Variants in MBD5 observed in about 807,000 individuals in gnomAD.
MBD5 encodes the protein methyl-CpG binding domain protein 5, also known as methyl-CpG-binding domain protein 5.
MBD5 carries 13 observed loss-of-function variants against 117.3 expected under a neutral mutation model. The ratio of observed to expected loss-of-function variants is 0.11; its 90% CI spans 0.07 to 0.18. The LOEUF is 0.18. Ranked by LOEUF, MBD5 falls within the 10% of genes least tolerant of loss-of-function variation. The pLI is 1.00. For missense variants in MBD5, 1,879 were observed against 2,093.8 expected, an observed-to-expected ratio of 0.90 and a Z score of 2.00; for synonymous variants, 727 against 766.4, an observed-to-expected ratio of 0.95 and a Z score of 0.85.
chr2:148,279,443 A>G (rs7605678), intron 3 of MBD5, among the ~76,000 whole-genome samples: 87,269 of 152,000 alleles, frequency 0.57, 25,439 homozygotes, highest in East Asian at 0.83. Context: ...AAAAATAAAA[A>G]TTAAGCAAAA....
intron 4 of MBD5, among the ~76,000 whole-genome samples, chr2:148,372,599 G>T (rs192937504): frequency 3.9e-5 from 6 of 152,120 alleles, no homozygotes; most frequent in Admixed American, 3.9e-4. Flanking sequence ...AAAGCATTAT[G>T]ATATGTTGTT....
At position 148,483,769 on chromosome 2, in the gene MBD5, A is replaced by G; in HGVS notation, c.3178A>G (p.Ser1060Gly). 1 of 1,550,558 alleles carries G rather than the reference A, an allele frequency of 6.4e-7. No homozygotes were observed. The change falls in exon 9 of 14, where the codon AGC becomes GGC. Residue 1060 changes from serine (S) to glycine (G), a missense_variant. Coordinates refer to ENST00000642680, the MANE Select transcript of MBD5 (RefSeq NM_001378120.1). ...LTSPLGNPLP[S>G]FAGSDTTFNP... The stretch of plus-strand genomic sequence containing the variant: ...CAGCCCCCTGGGGAACCCTTTACCA[A>G]GCTTTGCAGGCAGTGACACTACTTT...
intron 4 of MBD5, among the ~76,000 whole-genome samples, chr2:148,413,314 T>G (rs1045775816): frequency 6.6e-5 from 10 of 152,056 alleles, no homozygotes; most frequent in African/African-American, 2.2e-4. Flanking sequence ...GGATAAAACT[T>G]AATTTATCAT....
At chr2:148,374,891 T>A (rs1703952566) in intron 4 of MBD5, among the ~76,000 whole-genome samples, 1 of 152,242 alleles carries the variant, frequency 6.6e-6, no homozygotes, top group African/African-American at 2.4e-5. Context: ...TACTCCTATG[T>A]ATGCTTTTTT....
intron 4 of MBD5, among the ~76,000 whole-genome samples, chr2:148,445,977 GTTTGTT>G (rs1406149356): frequency 6.6e-6 from 1 of 150,936 alleles, no homozygotes; most frequent in African/African-American, 2.5e-5. Flanking sequence ...CGATGGGGTT[GTTTGTT>G]TTTTTTTCTT....
chr2:148,480,513 A>C (rs1042569108), intron 8 of MBD5, among the ~76,000 whole-genome samples: 12 of 152,138 alleles, frequency 7.9e-5, no homozygotes, highest in Non-Finnish European at 1.5e-4. Context: ...CTTGCCACAG[A>C]TAGTGCCACA....
At chr2:148,148,405 A>G (rs1047478321) in intron 1 of MBD5, among the ~76,000 whole-genome samples, 1 of 152,230 alleles carries the variant, frequency 6.6e-6, no homozygotes, top group African/African-American at 2.4e-5. Context: ...GCAAATTAAA[A>G]TGCCACAAGA....
chr2:148,244,655 A>C (rs1700295198), intron 3 of MBD5, among the ~76,000 whole-genome samples: 1 of 152,216 alleles, frequency 6.6e-6, no homozygotes, highest in African/African-American at 2.4e-5. Context: ...TTTGCCAAGC[A>C]TTGTAGTGGG....
chr2:148,070,008 C>T (rs2105070135), intron 1 of MBD5, among the ~76,000 whole-genome samples: 1 of 152,266 alleles, frequency 6.6e-6, no homozygotes, highest in East Asian at 1.9e-4. Context: ...ACTGTAGTCA[C>T]CCTGTTCGGC....
intron 1 of MBD5, among the ~76,000 whole-genome samples, chr2:148,150,867 T>A (rs376030128): frequency 2.0e-5 from 3 of 152,168 alleles, no homozygotes; most frequent in Non-Finnish European, 2.9e-5. Flanking sequence ...GTTCTAGATA[T>A]ACAATCATGT....
At position 148,429,783 on chromosome 2, in the gene MBD5, G is replaced by A. The variant is rs188610486; in HGVS notation, c.-556-28420G>A. Among the ~76,000 whole-genome samples, 451 of 152,252 alleles carry A rather than the reference G, an allele frequency of 3.0e-3. 3 individuals are homozygous for A. The highest frequency in any genetic ancestry group is 0.01 in the African/African-American group (431 of 41,554). ...ACACCATATGTTCTCACTCATAAGT[G>A]GGAGTTAAACAATGAAAACACATGG... On this transcript the variant is annotated intron_variant, in intron 4 of 13. Transcript: ENST00000642680.
chr2:148,155,364 C>T (rs1220578902), intron 1 of MBD5, among the ~76,000 whole-genome samples: 1 of 152,116 alleles, frequency 6.6e-6, no homozygotes, highest in African/African-American at 2.4e-5. Flanking sequence ...ATGAGGTAGC[C>T]ATTGTGCCTG....
intron 1 of MBD5, among the ~76,000 whole-genome samples, chr2:148,096,640 A>G (rs1406593217): frequency 1.3e-5 from 2 of 152,076 alleles, no homozygotes; most frequent in Non-Finnish European, 2.9e-5. Context: ...TATTATGGGG[A>G]AAAAAATAAG....
At chr2:148,047,254 AT>A (rs2105731073) in intron 1 of MBD5, among the ~76,000 whole-genome samples, 1 of 152,282 alleles carries the variant, frequency 6.6e-6, no homozygotes, top group South Asian at 2.1e-4. Flanking sequence ...AGTCACCAAG[AT>A]TATCAAGTTC....
intron 4 of MBD5, among the ~76,000 whole-genome samples, chr2:148,456,793 T>A (rs1362540455): frequency 6.6e-6 from 1 of 152,194 alleles, no homozygotes; most frequent in Non-Finnish European, 1.5e-5. Context: ...GCCACGTCCA[T>A]ACCCACAGTT....
chr2:148,313,991 T>C (rs1206885800), intron 3 of MBD5, among the ~76,000 whole-genome samples: 1 of 151,856 alleles, frequency 6.6e-6, no homozygotes, highest in East Asian at 1.9e-4. Context: ...CCAATCTCAA[T>C]GTGGTAAGTT....
At chr2:148,153,760 G>A (rs1382635974) in intron 1 of MBD5, among the ~76,000 whole-genome samples, 3 of 144,598 alleles carry the variant, frequency 2.1e-5, no homozygotes, top group East Asian at 2.0e-4. Context: ...CATTCTTCCC[G>A]TAGTTCTCGA....
At chr2:148,155,614 C>T (rs1697854149) in intron 1 of MBD5, among the ~76,000 whole-genome samples, 1 of 152,154 alleles carries the variant, frequency 6.6e-6, no homozygotes, top group Non-Finnish European at 1.5e-5. Flanking sequence ...TTCATTTGGG[C>T]TTTTATCATG....
chr2:148,263,209 T>C (rs1700773275), intron 3 of MBD5, among the ~76,000 whole-genome samples: 1 of 152,116 alleles, frequency 6.6e-6, no homozygotes, highest in Non-Finnish European at 1.5e-5. Context: ...TGAACTGAGC[T>C]CAGGAGAAAT....
Sources: allele counts gnomAD v4.1 joint callset (sites outside exome capture counted in the v4.1 genomes callset), GRCh38; gene constraint gnomAD v4.1.1; transcripts MANE v1.5; gene names NCBI Gene and HGNC (gene_info 2026-07-23, HGNC 2026-07-21).